Variants in PCDH15 observed in about 807,000 individuals in gnomAD.
PCDH15 encodes the protein protocadherin-15.
PCDH15 carries 129 observed loss-of-function variants against 178.5 expected under a neutral mutation model. The observed-to-expected ratio is 0.72, with a 90% CI of 0.63 to 0.84. The LOEUF (loss-of-function observed/expected upper bound fraction) is 0.84. PCDH15 is among the 40% of genes least tolerant of loss of function. The probability of loss-of-function intolerance (pLI) is 0.00; values close to 1 mark genes in which losing one functional copy is unlikely to be tolerated. For missense variants in PCDH15, 2,230 were observed against 2,099.9 expected (o/e 1.06, Z -1.21); for synonymous variants, 800 against 732.0 (o/e 1.09, Z -1.50).
chr10:55,112,960 T>TA, intron 2 of PCDH15, among the ~76,000 whole-genome samples: 1 of 152,164 alleles, frequency 6.6e-6, no homozygotes, highest in Non-Finnish European at 1.5e-5. Context: ...ATACTGTGCT[T>TA]AAAAAACTTT....
chr10:54,732,203 T>C (rs1344729917), intron 1 of PCDH15, among the ~76,000 whole-genome samples: 1 of 151,212 alleles, frequency 6.6e-6, no homozygotes. Flanking sequence ...CAAACTTAAA[T>C]TCAAATTCAT....
At chr10:55,005,426 T>C (rs1427898505) in intron 2 of PCDH15, among the ~76,000 whole-genome samples, 4 of 152,072 alleles carry the variant, frequency 2.6e-5, no homozygotes. Context: ...GATAACAACT[T>C]TAAGAAATTT....
At chr10:54,516,137 G>A (rs143497462) in intron 3 of PCDH15, among the ~76,000 whole-genome samples, 1 of 152,304 alleles carries the variant, frequency 6.6e-6, no homozygotes, top group East Asian at 1.9e-4. Flanking sequence ...ACGGAACAAA[G>A]CTGGATGGAG....
At chr10:55,332,583 G>A (rs1844230989) in intron 2 of PCDH15, among the ~76,000 whole-genome samples, 1 of 152,094 alleles carries the variant, frequency 6.6e-6, no homozygotes, top group African/African-American at 2.4e-5. Context: ...TTGCTGACAT[G>A]GTTTGGCTGT....
At chr10:54,508,199 A>C (rs1216627117) in intron 3 of PCDH15, among the ~76,000 whole-genome samples, 2 of 152,064 alleles carry the variant, frequency 1.3e-5, no homozygotes, top group Non-Finnish European at 2.9e-5. Flanking sequence ...CATTGTAAGT[A>C]ATTTTTACTG....
Position 53,806,947 on chromosome 10 carries a change from G to T in PCDH15, c.4855C>A (p.Leu1619Ile), listed in dbSNP as rs756007561. ...GAAGCAACTTTTAAGTTGTCCGTGAGGCAGGCACGGCGGGTTCTCACCACA... is the reference window on the plus strand; with the variant it reads ...GAAGCAACTTTTAAGTTGTCCGTGATGCAGGCACGGCGGGTTCTCACCACA... ...GSVVRTRRAC[L>I]TDNLKVASPV... Residue 1619 changes from leucine to isoleucine, a missense_variant, in exon 38 of 38, where the codon CTC becomes ATC. Physicochemically the swap from Leu to Ile is conservative, Grantham distance 5. Transcript: ENST00000644397. 1 of 1,613,848 alleles carries T rather than the reference G, an allele frequency of 6.2e-7. No homozygotes were observed.
At chr10:54,695,447 G>A (rs895775444) in intron 1 of PCDH15, among the ~76,000 whole-genome samples, 4 of 152,132 alleles carry the variant, frequency 2.6e-5, no homozygotes, top group African/African-American at 9.6e-5. Flanking sequence ...ACATAAAAGT[G>A]TAAGATGAAG....
intron 2 of PCDH15, among the ~76,000 whole-genome samples, chr10:54,578,533 G>C (rs943915431): frequency 6.6e-6 from 1 of 152,044 alleles, no homozygotes; most frequent in African/African-American, 2.4e-5. Context: ...TATAAACATA[G>C]TAATTTTAAA....
chr10:54,618,575 A>T (rs1271588068), intron 2 of PCDH15, among the ~76,000 whole-genome samples: 1 of 152,046 alleles, frequency 6.6e-6, no homozygotes, highest in Non-Finnish European at 1.5e-5. Context: ...GATTGTAAAG[A>T]TTATCATTAT....
chr10:55,014,581 A>C (rs779248972), intron 2 of PCDH15, among the ~76,000 whole-genome samples: 83 of 152,312 alleles, frequency 5.4e-4, no homozygotes, highest in Middle Eastern at 6.8e-3. Flanking sequence ...CAGAGAAATA[A>C]AAATATATTT....
chr10:55,219,722 T>C (rs377504105), intron 1 of PCDH15, among the ~76,000 whole-genome samples: 1 of 151,964 alleles, frequency 6.6e-6, no homozygotes, highest in East Asian at 1.9e-4. Context: ...TTTTAAAGAC[T>C]AACATTCATT....
At chr10:54,283,645 A>T (rs541466435) in intron 8 of PCDH15, among the ~76,000 whole-genome samples, 1 of 152,254 alleles carries the variant, frequency 6.6e-6, no homozygotes, top group Non-Finnish European at 1.5e-5. Flanking sequence ...AGAAAGGAAA[A>T]ATACTAACAA....
At chr10:54,432,067 G>T (rs1490470453) in intron 3 of PCDH15, among the ~76,000 whole-genome samples, 1 of 151,810 alleles carries the variant, frequency 6.6e-6, no homozygotes, top group Non-Finnish European at 1.5e-5. Flanking sequence ...AGAATTTAAA[G>T]CATACAAAGA....
intron 3 of PCDH15, among the ~76,000 whole-genome samples, chr10:54,862,236 T>C (rs1459216524): frequency 6.6e-6 from 1 of 152,200 alleles, no homozygotes; most frequent in Non-Finnish European, 1.5e-5. Flanking sequence ...TTACCATAAA[T>C]GTTTCTAGGA....
At chr10:55,220,546 T>A (rs937581885) in intron 1 of PCDH15, among the ~76,000 whole-genome samples, 5 of 152,102 alleles carry the variant, frequency 3.3e-5, no homozygotes, top group African/African-American at 1.2e-4. Context: ...TACTATATAC[T>A]TAGGCTATGT....
intron 8 of PCDH15, among the ~76,000 whole-genome samples, chr10:54,305,945 G>A (rs1022623893): frequency 5.3e-5 from 8 of 152,030 alleles, no homozygotes; most frequent in African/African-American, 1.9e-4. Flanking sequence ...CAGATGGGAT[G>A]AGGCAAATGA....
rs78124986 is a variant in PCDH15, at chr10:55,223,433, G to A, written c.-155-56782C>T. 1.8e-3 allele frequency among the ~76,000 whole-genome samples: 281 copies of A among 152,184 alleles called. 5 individuals are homozygous for A. The East Asian group carries it at 0.048, about 26-fold the overall frequency. ...TTGTTTTGTACTCCTTGATAACACT[G>A]TAAACATTCTAATATCTATTTTATT... is the stretch of plus-strand genomic sequence containing the variant. On this transcript the variant is annotated intron_variant, in intron 1 of 5. Coordinates refer to the PCDH15 transcript ENST00000458638.
chr10:54,404,498 A>T (rs1952364027), intron 3 of PCDH15, among the ~76,000 whole-genome samples: 1 of 152,112 alleles, frequency 6.6e-6, no homozygotes, highest in Non-Finnish European at 1.5e-5. Flanking sequence ...CCCCTTCCTT[A>T]TACCATATAC....
chr10:54,699,877 G>A (rs576515867), intron 1 of PCDH15, among the ~76,000 whole-genome samples: 1 of 151,890 alleles, frequency 6.6e-6, no homozygotes, highest in East Asian at 1.9e-4. Flanking sequence ...ATTGCATAGG[G>A]GAAAACAAAT....
Sources: gnomAD v4.1 joint callset for allele counts (sites outside exome capture counted in the v4.1 genomes callset) on GRCh38, gnomAD v4.1.1 for gene constraint, MANE v1.5 for transcripts, NCBI Gene and HGNC (gene_info 2026-07-23, HGNC 2026-07-21) for gene names.